Variants in TENT5C observed in about 807,000 individuals in gnomAD.
TENT5C encodes the protein terminal nucleotidyltransferase 5C, also known as family with sequence similarity 46 member C.
TENT5C carries 5 observed loss-of-function variants against 22.2 expected under a neutral mutation model. The ratio of observed to expected loss-of-function variants is 0.22; its 90% CI spans 0.12 to 0.47. TENT5C has a LOEUF of 0.47. Among genes scored for constraint, TENT5C ranks in the 20% least tolerant of loss-of-function variants. TENT5C has a pLI of 0.99. For missense variants in TENT5C, 364 were observed against 500.9 expected, an observed-to-expected ratio of 0.73 and a Z score of 2.61; for synonymous variants, 199 against 195.4, an observed-to-expected ratio of 1.02 and a Z score of -0.15.
At chr1:117,609,900 T>C (rs1302928522) in intron 1 of TENT5C, among the ~76,000 whole-genome samples, 2 of 152,128 alleles carry the variant, frequency 1.3e-5, no homozygotes, top group Non-Finnish European at 2.9e-5. Flanking sequence ...GGCTGAGTCC[T>C]CTTTTAAGTA....
intron 1 of TENT5C, among the ~76,000 whole-genome samples, chr1:117,614,147 G>A (rs551731580): frequency 6.6e-6 from 1 of 152,288 alleles, no homozygotes; most frequent in South Asian, 2.1e-4. Flanking sequence ...TATGTGGGGG[G>A]TCTGGCCCTA....
Position 117,627,732 on chromosome 1 carries a change from G to C in TENT5C, c.*3688G>C. On this transcript the variant is annotated 3_prime_UTR_variant, in exon 2 of 2. Coordinates refer to ENST00000369448, the MANE Select transcript of TENT5C (RefSeq NM_017709.4). ...CCAATTCAACCAGTTAAAATCAGAG[G>C]ACCAAGTCGTGGGGGAGGGGGGCGG... 1 of 248,014 alleles carries C rather than the reference G, an allele frequency of 4.0e-6. No homozygotes were observed. The highest frequency in any genetic ancestry group is 2.2e-5 in the African/African-American group (1 of 45,394). The allele number at this position is 248,014 out of a possible 1,614,324, so 15.4% of individuals were successfully genotyped here.
chr1:117,623,873 C>A lies in TENT5C; in HGVS notation c.1005C>A (p.Leu335=), dbSNP rs766020745. Residue 335 remains leucine (L), a synonymous_variant, in exon 2 of 2, where the codon CTC becomes CTA. Transcript: ENST00000369448. Reference sequence around the variant, plus strand: ...GGCAGACTCTGAACCTCATCTCCCTCCTGGCCTTGCGTGTGCTGGCGGAAC... The same window carrying A: ...GGCAGACTCTGAACCTCATCTCCCTACTGGCCTTGCGTGTGCTGGCGGAAC... ...ERRQTLNLIS[L]LALRVLAEQN... The A allele has an allele frequency of 1.2e-6, 2 of 1,614,190 alleles. No homozygotes were observed. The highest frequency in any genetic ancestry group is 2.2e-5 in the South Asian group (2 of 91,080).
At chr1:117,609,223 C>CT in intron 1 of TENT5C, among the ~76,000 whole-genome samples, 1 of 152,108 alleles carries the variant, frequency 6.6e-6, no homozygotes, top group Non-Finnish European at 1.5e-5. Context: ...CATTGCAGGC[C>CT]GCATAAAGAG....
chr1:117,623,119 A>G lies in TENT5C; in HGVS notation c.251A>G (p.Asn84Ser). Residue 84 changes from asparagine to serine, a missense_variant, in exon 2 of 2, where the codon AAT (asparagine) becomes AGT (serine). Asn to Ser is a conservative substitution (Grantham distance 46). This residue lies in a region of TENT5C where 303 missense variants were observed against 394.5 expected (regional missense o/e 0.77). Coordinates refer to ENST00000369448, the MANE Select transcript of TENT5C (RefSeq NM_017709.4). ...SAAGHVLVKD[N>S]GLGCKDLDLI... ...GCTGGCCACGTTTTGGTCAAAGACA[A>G]TGGCTTGGGCTGCAAAGACCTGGAC... is the stretch of plus-strand genomic sequence containing the variant. 2 of 1,614,238 alleles carry G rather than the reference A, an allele frequency of 1.2e-6. No individual in the cohort carries two copies. Among genetic ancestry groups the G allele is most frequent in the Non-Finnish European group, 8.5e-7 (1 of 1,180,038 alleles).
intron 1 of TENT5C, among the ~76,000 whole-genome samples, chr1:117,612,180 AG>A (rs983097175): frequency 3.3e-5 from 5 of 152,202 alleles, no homozygotes; most frequent in Non-Finnish European, 7.3e-5. Flanking sequence ...CTTTCTTCCC[AG>A]TGCATCACAA....
chr1:117,617,945 G>A (rs754555110), intron 1 of TENT5C, among the ~76,000 whole-genome samples: 19 of 152,152 alleles, frequency 1.2e-4, no homozygotes, highest in Non-Finnish European at 2.2e-4. Context: ...CTTTCTAATA[G>A]GCACAAGTGA....
chr1:117,623,702 C>T lies in TENT5C; in HGVS notation c.834C>T (p.Phe278=), dbSNP rs140288057. ...RYMCSRFFID[F]PDILEQQRKL... is the part of the protein sequence containing the mutation. ...TGTGCTCCAGGTTCTTCATCGACTTCCCGGACATCCTTGAACAGCAGAGGA... is the reference window on the plus strand; with the variant it reads ...TGTGCTCCAGGTTCTTCATCGACTTTCCGGACATCCTTGAACAGCAGAGGA... The change falls in exon 2 of 2, where the codon TTC becomes TTT. Residue 278 remains phenylalanine, a synonymous_variant. Transcript: ENST00000369448. 21 of 1,614,142 alleles carry T rather than the reference C, an allele frequency of 1.3e-5. No homozygotes were observed. In the African/African-American group the frequency reaches 2.1e-4, roughly 16 times the overall value.
intron 1 of TENT5C, among the ~76,000 whole-genome samples, chr1:117,614,874 C>A (rs528375593): frequency 6.6e-6 from 1 of 152,212 alleles, no homozygotes; most frequent in East Asian, 1.9e-4. Flanking sequence ...TCTCTCTCTT[C>A]TGGACTTGGT....
chr1:117,608,947 G>A (rs1340614593), intron 1 of TENT5C, among the ~76,000 whole-genome samples: 1 of 152,048 alleles, frequency 6.6e-6, no homozygotes, highest in Non-Finnish European at 1.5e-5. Flanking sequence ...GAGGTTACTT[G>A]GAATAAAACA....
chr1:117,610,628 A>G (rs536479934), intron 1 of TENT5C, among the ~76,000 whole-genome samples: 1 of 152,304 alleles, frequency 6.6e-6, no homozygotes, highest in South Asian at 2.1e-4. Context: ...CGTGGGTTCA[A>G]GCGATCCTCC....
chr1:117,606,463 C>T (rs1653537336), intron 1 of TENT5C, among the ~76,000 whole-genome samples: 1 of 152,222 alleles, frequency 6.6e-6, no homozygotes, highest in African/African-American at 2.4e-5. Flanking sequence ...AGTTCCTGCT[C>T]CGCGCGTCCT....
At chr1:117,614,219 C>A (rs1653728404) in intron 1 of TENT5C, among the ~76,000 whole-genome samples, 1 of 152,180 alleles carries the variant, frequency 6.6e-6, no homozygotes, top group Admixed American at 6.5e-5. Context: ...TAGATAACTT[C>A]TGGCCTTCAT....
chr1:117,622,029 G>A (rs1653904279), intron 1 of TENT5C, among the ~76,000 whole-genome samples: 1 of 152,194 alleles, frequency 6.6e-6, no homozygotes, highest in African/African-American at 2.4e-5. Flanking sequence ...CACTGCCCGG[G>A]GGAAGTTGGC....
At chr1:117,614,906 C>T (rs1415996389) in intron 1 of TENT5C, among the ~76,000 whole-genome samples, 4 of 152,182 alleles carry the variant, frequency 2.6e-5, no homozygotes, top group Non-Finnish European at 5.9e-5. Flanking sequence ...CACCACTGTT[C>T]TGCAACGTAG....
chr1:117,613,002 A>G (rs1000313214), intron 1 of TENT5C, among the ~76,000 whole-genome samples: 3 of 152,200 alleles, frequency 2.0e-5, no homozygotes, highest in Non-Finnish European at 4.4e-5. Flanking sequence ...GTGTAAGCTG[A>G]GTCATTCTTA....
At chr1:117,615,040 T>G (rs1267094948) in intron 1 of TENT5C, among the ~76,000 whole-genome samples, 1 of 152,238 alleles carries the variant, frequency 6.6e-6, no homozygotes, top group African/African-American at 2.4e-5. Context: ...TCAGTTCTGG[T>G]GGCTCCAGCC....
intron 1 of TENT5C, among the ~76,000 whole-genome samples, chr1:117,613,100 CT>C (rs1220643883): frequency 6.6e-6 from 1 of 152,136 alleles, no homozygotes; most frequent in African/African-American, 2.4e-5. Flanking sequence ...CTTTGGGGAG[CT>C]CTTTAAATGA....
Position 117,625,898 on chromosome 1 carries a change from T to G in TENT5C, c.*1854T>G, listed in dbSNP as rs1281532599. 4.0e-6 allele frequency: 1 copy of G among 247,866 alleles called. No individual in the cohort carries two copies. The highest frequency in any genetic ancestry group is 1.8e-4 in the South Asian group (1 of 5,530). 15.4% of individuals were successfully genotyped at this position (247,866 alleles called of 1,614,324 possible). On this transcript the variant is annotated 3_prime_UTR_variant, in exon 2 of 2. Coordinates refer to ENST00000369448, the MANE Select transcript of TENT5C (RefSeq NM_017709.4). The stretch of plus-strand genomic sequence containing the variant: ...TTAGTGTAATCAGCTCCTGTTTCCC[T>G]GTGAGCCTTAGTTATATTTTAATTC...
Sources: gnomAD v4.1 joint callset for allele counts (sites outside exome capture counted in the v4.1 genomes callset) on GRCh38, gnomAD v4.1.1 for gene constraint, gnomAD v4.1.1 regional missense constraint, MANE v1.5 for transcripts, NCBI Gene and HGNC (gene_info 2026-07-23, HGNC 2026-07-21) for gene names.